Variants in SCNN1B observed in about 807,000 individuals in gnomAD.
SCNN1B encodes the protein epithelial sodium channel subunit beta.
In SCNN1B, 46 loss-of-function variants were observed where a neutral mutation model predicts 65.3. The ratio of observed to expected loss-of-function variants is 0.70; its 90% confidence interval spans 0.56 to 0.90. The LOEUF (loss-of-function observed/expected upper bound fraction) is 0.90. Ranked by LOEUF, SCNN1B falls within the 40% of genes least tolerant of loss-of-function variation. SCNN1B has a pLI of 0.00. For synonymous variants in SCNN1B, 349 were observed against 330.6 expected (o/e 1.06, Z -0.60); for missense variants, 751 against 830.5 (o/e 0.90, Z 1.18).
intron 1 of SCNN1B, among the ~76,000 whole-genome samples, chr16:23,313,371 T>C (rs963769256): frequency 1.3e-5 from 2 of 152,196 alleles, no homozygotes; most frequent in African/African-American, 2.4e-5. Context: ...TTGGATCTTA[T>C]GATCCAGCTG....
At position 23,335,755 on chromosome 16, in the gene SCNN1B, T is replaced by C. The variant is rs1385615411; in HGVS notation, c.-8-12837T>C. On this transcript the variant is annotated intron_variant, in intron 1 of 12. Coordinates refer to ENST00000343070, the MANE Select transcript of SCNN1B (RefSeq NM_000336.3). The stretch of plus-strand genomic sequence containing the variant: ...AGCCACTGTGCCCGGCCTCTATTTT[T>C]TTTTTTTAACATAAATGCATGTGTG... Among the ~76,000 whole-genome samples the C allele has an allele frequency of 2.0e-5, 3 of 152,234 alleles. No individual in the cohort carries two copies. The East Asian group carries it at 5.8e-4, about 29-fold the overall frequency.
upstream of SCNN1B, among the ~76,000 whole-genome samples, chr16:23,300,194 G>C (rs1027403875): frequency 3.9e-5 from 6 of 152,114 alleles, no homozygotes; most frequent in Non-Finnish European, 8.8e-5. Context: ...CCTGTCAGGG[G>C]GTGGAGGGCT....
At chr16:23,340,125 T>C (rs906008187) in intron 1 of SCNN1B, among the ~76,000 whole-genome samples, 1 of 152,222 alleles carries the variant, frequency 6.6e-6, no homozygotes, top group African/African-American at 2.4e-5. Flanking sequence ...ATTCAAATCA[T>C]TGGCCCATTT....
rs368994674 is a variant in SCNN1B, at chr16:23,380,575, G to T, written c.1697G>T (p.Arg566Leu). 1.2e-6 allele frequency: 2 copies of T among 1,614,140 alleles called. No individual in the cohort carries two copies. The highest frequency in any genetic ancestry group is 2.2e-5 in the East Asian group (1 of 44,872). ...TTGGCCAAGAGCCTACGGCAGCGGC[G>T]AGCCCAAGCCAGCTACGCTGGCCCA... ...VALAKSLRQR[R>L]AQASYAGPPP... Residue 566 changes from arginine (R) to leucine (L), a missense_variant, in exon 13 of 13, where the codon CGA becomes CTA. Physicochemically the swap from Arg to Leu is moderately radical, Grantham distance 102. Coordinates refer to ENST00000343070, the MANE Select transcript of SCNN1B (RefSeq NM_000336.3). The surrounding 1 kb of genome is among the most constrained non-coding windows in gnomAD (Gnocchi z 5.4).
At chr16:23,350,431 A>G (rs1055705382) in intron 2 of SCNN1B, among the ~76,000 whole-genome samples, 2 of 152,202 alleles carry the variant, frequency 1.3e-5, no homozygotes, top group African/African-American at 4.8e-5. Context: ...AGTCAGGGTT[A>G]TGGAGAGACA....
At chr16:23,305,079 G>A (rs550569512) in intron 1 of SCNN1B, among the ~76,000 whole-genome samples, 4 of 152,004 alleles carry the variant, frequency 2.6e-5, no homozygotes, top group African/African-American at 7.2e-5. Flanking sequence ...CCTTTGCACT[G>A]AGCCCTGAGC....
chr16:23,288,067 C>T (rs1960875968), intron 2 of SCNN1B, among the ~76,000 whole-genome samples: 1 of 151,746 alleles, frequency 6.6e-6, no homozygotes, highest in Non-Finnish European at 1.5e-5. Flanking sequence ...GAGGTGGAAG[C>T]ATCACTTGAG....
rs1555488905 is a variant in SCNN1B at position 23,365,587 on chromosome 16, G to GAGAAAGAA, written c.777-2243_777-2236dup. On this transcript the variant is annotated intron_variant, in intron 4 of 12. Transcript: ENST00000343070. Reference sequence around the variant, plus strand: ...AGAAAGAAAGAAAGAAAGAAAGAAAGAGAAAGAAAGAAAGAAAGAAAGAAA... The same window carrying GAGAAAGAA: ...AGAAAGAAAGAAAGAAAGAAAGAAAGAGAAAGAAAGAAAGAAAGAAAGAAAGAAAGAAA... Among the ~76,000 whole-genome samples the GAGAAAGAA allele has an allele frequency of 4.5e-3, 395 of 86,982 alleles. 2 individuals carry two copies. The highest frequency in any genetic ancestry group is 0.018 in the Middle Eastern group (3 of 170). 57.1% of individuals were successfully genotyped at this position (86,982 alleles called of 152,430 possible).
intron 1 of SCNN1B, among the ~76,000 whole-genome samples, chr16:23,347,438 C>T (rs1209452306): frequency 6.6e-6 from 1 of 152,190 alleles, no homozygotes. Context: ...GAAACTGCAA[C>T]TCTAGGCTAA....
chr16:23,331,056 G>C (rs1961801084), intron 1 of SCNN1B, among the ~76,000 whole-genome samples: 1 of 152,208 alleles, frequency 6.6e-6, no homozygotes, highest in South Asian at 2.1e-4. Context: ...TACTTGCCAT[G>C]ATTCATCTTC....
chr16:23,294,298 G>T (rs1321615351), intron 2 of SCNN1B, among the ~76,000 whole-genome samples: 1 of 152,182 alleles, frequency 6.6e-6, no homozygotes, highest in Admixed American at 6.5e-5. Flanking sequence ...TCAGGAGGCT[G>T]AGACACGAGA....
At chr16:23,379,984 G>A (rs1963004490) in intron 11 of SCNN1B, 110 bp from the exon 12 acceptor site, 1 of 846,806 alleles carries the variant, frequency 1.2e-6, no homozygotes, top group Non-Finnish European at 2.1e-6. Context: ...GTGCATACAT[G>A]TGGGTGTGTG....
At chr16:23,333,299 T>C (rs1961868484) in intron 1 of SCNN1B, among the ~76,000 whole-genome samples, 1 of 152,204 alleles carries the variant, frequency 6.6e-6, no homozygotes. Context: ...GCAGTTGTTG[T>C]CTGGGAAAAC....
chr16:23,343,181 A>G (rs1338236282), intron 1 of SCNN1B, among the ~76,000 whole-genome samples: 1 of 152,134 alleles, frequency 6.6e-6, no homozygotes, highest in East Asian at 1.9e-4. Flanking sequence ...AGGGCTGGGC[A>G]TGGTGGCTCA....
chr16:23,280,564 A>G (rs1385055280), intron 1 of SCNN1B, among the ~76,000 whole-genome samples: 3 of 152,224 alleles, frequency 2.0e-5, no homozygotes, highest in African/African-American at 7.2e-5. Flanking sequence ...GTATTAAACA[A>G]GCACAGAGAG....
At chr16:23,329,784 A>G (rs1747069689) in intron 1 of SCNN1B, among the ~76,000 whole-genome samples, 1 of 152,180 alleles carries the variant, frequency 6.6e-6, no homozygotes, top group Admixed American at 6.5e-5. Context: ...GCACACTCAC[A>G]TTCTAACCAG....
intron 1 of SCNN1B, among the ~76,000 whole-genome samples, chr16:23,316,047 CCATCACCATCCT>C (rs1961449807): frequency 6.6e-6 from 1 of 150,794 alleles, no homozygotes; most frequent in Non-Finnish European, 1.5e-5. Flanking sequence ...GCCACCATCA[CCATCACCATCCT>C]CACCATCACC....
At chr16:23,306,979 G>A (rs952034106) in intron 1 of SCNN1B, among the ~76,000 whole-genome samples, 3 of 152,190 alleles carry the variant, frequency 2.0e-5, no homozygotes, top group African/African-American at 7.2e-5. Context: ...AATGCCCTGG[G>A]AGTCACGTTT....
chr16:23,338,200 G>C (rs535802948), intron 1 of SCNN1B, among the ~76,000 whole-genome samples: 5 of 152,286 alleles, frequency 3.3e-5, no homozygotes, highest in African/African-American at 1.2e-4. Context: ...CCAAAATCTT[G>C]GTGCTGGGAA....
Sources: allele counts gnomAD v4.1 joint callset (sites outside exome capture counted in the v4.1 genomes callset), GRCh38; gene constraint gnomAD v4.1.1; non-coding constraint Gnocchi (gnomAD v3.1); transcripts MANE v1.5; gene names NCBI Gene and HGNC (gene_info 2026-07-23, HGNC 2026-07-21).